TASP1: variants seen among roughly 807,000 people sequenced by gnomAD.
The protein encoded by TASP1 is taspase 1.
Under a neutral mutation model 56.6 loss-of-function variants are expected in TASP1, and 16 were observed. That is an observed-to-expected ratio of 0.28 (90% CI 0.19 to 0.43). TASP1 has a LOEUF of 0.43. TASP1 is among the 20% of genes least tolerant of loss of function. TASP1 has a pLI of 1.00. For synonymous variants in TASP1, 179 were observed against 184.2 expected (o/e 0.97, Z 0.23); for missense variants, 393 against 511.6 (o/e 0.77, Z 2.24).
chr20:13,204,718 T>G, the TASP1 span, among the ~76,000 whole-genome samples: 39 of 152,072 alleles, frequency 2.6e-4, no homozygotes, highest in South Asian at 2.1e-4. Context: ...TTTCTTCCCA[T>G]TTGAACCCAC....
At chr20:13,565,473 C>T (rs1350395323) in intron 7 of TASP1, among the ~76,000 whole-genome samples, 2 of 152,016 alleles carry the variant, frequency 1.3e-5, no homozygotes, top group African/African-American at 2.4e-5. Flanking sequence ...ACATCCAGAA[C>T]ATATGAAGAA....
At chr20:13,138,613 A>C in the TASP1 span, among the ~76,000 whole-genome samples, 6 of 152,224 alleles carry the variant, frequency 3.9e-5, no homozygotes, top group Non-Finnish European at 5.9e-5. Context: ...CTTGGGATCT[A>C]GTCACCATTT....
the TASP1 span, among the ~76,000 whole-genome samples, chr20:13,204,779 T>C: frequency 6.6e-6 from 1 of 152,164 alleles, no homozygotes; most frequent in Non-Finnish European, 1.5e-5. Context: ...TAAGACAGAA[T>C]TGGGGCCAAG....
intron 5 of TASP1, among the ~76,000 whole-genome samples, chr20:13,584,615 C>T (rs1601340292): frequency 6.6e-6 from 1 of 152,204 alleles, no homozygotes; most frequent in East Asian, 1.9e-4. Flanking sequence ...TACTCAACAA[C>T]TCCAGAATAC....
chr20:13,178,050 TCAA>T, the TASP1 span, among the ~76,000 whole-genome samples: 5 of 151,860 alleles, frequency 3.3e-5, no homozygotes, highest in South Asian at 2.1e-4. Flanking sequence ...CTCAGACATT[TCAA>T]CAACAACAAC....
intron 11 of TASP1, among the ~76,000 whole-genome samples, chr20:13,455,523 G>C (rs111257825): frequency 4.7e-4 from 72 of 152,194 alleles, no homozygotes; most frequent in African/African-American, 1.6e-3. Flanking sequence ...TGAAGGTTGG[G>C]TGGGAGAATG....
chr20:13,389,071 T>TGGA (rs1415818474), downstream of TASP1, among the ~76,000 whole-genome samples: 1 of 152,264 alleles, frequency 6.6e-6, no homozygotes, highest in Non-Finnish European at 1.5e-5. Flanking sequence ...CTTGGTTTTC[T>TGGA]TATGTGGCTC....
chr20:13,524,536 G>T (rs1422884456), intron 10 of TASP1, among the ~76,000 whole-genome samples: 1 of 152,110 alleles, frequency 6.6e-6, no homozygotes. Context: ...CTGTTTGCCA[G>T]GCACTCAGGA....
intron 13 of TASP1, among the ~76,000 whole-genome samples, chr20:13,408,009 G>A (rs1201933810): frequency 6.6e-6 from 1 of 151,960 alleles, no homozygotes; most frequent in African/African-American, 2.4e-5. Flanking sequence ...TTCCTATTTT[G>A]TGGGCTTTTT....
chr20:13,162,269 T>C, the TASP1 span, among the ~76,000 whole-genome samples: 1 of 152,190 alleles, frequency 6.6e-6, no homozygotes, highest in Non-Finnish European at 1.5e-5. Flanking sequence ...GCAAGTTCCC[T>C]GAGATGGCAG....
At chr20:13,478,056 T>C (rs1226866261) in intron 11 of TASP1, among the ~76,000 whole-genome samples, 1 of 152,150 alleles carries the variant, frequency 6.6e-6, no homozygotes, top group Non-Finnish European at 1.5e-5. Flanking sequence ...TTTTTCAAAT[T>C]GCAGTAAGAG....
chr20:13,501,289 T>A (rs564061000), intron 10 of TASP1, among the ~76,000 whole-genome samples: 1 of 152,106 alleles, frequency 6.6e-6, no homozygotes, highest in East Asian at 1.9e-4. Flanking sequence ...AAAGAAAGCA[T>A]CAGAAAGTGG....
At chr20:13,600,919 C>T (rs756484224) in intron 4 of TASP1, among the ~76,000 whole-genome samples, 13 of 152,234 alleles carry the variant, frequency 8.5e-5, no homozygotes, top group African/African-American at 3.1e-4. Flanking sequence ...ATACTATTCT[C>T]CAATAAGGTA....
chr20:13,135,996 A>G, the TASP1 span, among the ~76,000 whole-genome samples: 2 of 152,244 alleles, frequency 1.3e-5, no homozygotes, highest in Non-Finnish European at 2.9e-5. Flanking sequence ...ATTTACTTAC[A>G]AGAGAAAAGG....
chr20:13,389,185 CTT>C (rs1340126033), downstream of TASP1, among the ~76,000 whole-genome samples: 1 of 152,166 alleles, frequency 6.6e-6, no homozygotes, highest in Non-Finnish European at 1.5e-5. Context: ...TATTCTTTCT[CTT>C]TGTTATTTTT....
At chr20:13,421,084 A>G (rs529032017) in intron 12 of TASP1, among the ~76,000 whole-genome samples, 1 of 151,772 alleles carries the variant, frequency 6.6e-6, no homozygotes, top group Admixed American at 6.6e-5. Flanking sequence ...TGACTAGTTA[A>G]AAAGTATTTA....
the TASP1 span, among the ~76,000 whole-genome samples, chr20:13,144,750 A>G: frequency 7.9e-5 from 6 of 75,568 alleles, no homozygotes; most frequent in South Asian, 3.2e-3. Flanking sequence ...AGGGAGGTCT[A>G]CTATGTGTGT....
chr20:13,589,900 G>A (rs1424052041), intron 4 of TASP1, among the ~76,000 whole-genome samples: 1 of 152,158 alleles, frequency 6.6e-6, no homozygotes, highest in East Asian at 1.9e-4. Context: ...GTGAGACCCT[G>A]TCTCTAAAAA....
the TASP1 span, among the ~76,000 whole-genome samples, chr20:13,337,541 C>A: frequency 3.9e-5 from 6 of 152,094 alleles, no homozygotes; most frequent in African/African-American, 1.4e-4. Context: ...TAAGAGGCCC[C>A]TGATCCACAC....
Sources: gnomAD v4.1 joint callset for allele counts (sites outside exome capture counted in the v4.1 genomes callset) on GRCh38, gnomAD v4.1.1 for gene constraint, MANE v1.5 for transcripts, NCBI Gene and HGNC (gene_info 2026-07-23, HGNC 2026-07-21) for gene names.